The following RNLS variants were observed in gnomAD, a reference collection of about 807,000 sequenced individuals.
The protein encoded by RNLS is renalase.
In RNLS, 39 loss-of-function variants were observed where a neutral mutation model predicts 39.8. The ratio of observed to expected loss-of-function variants is 0.98; its 90% CI spans 0.76 to 1.28. The LOEUF (loss-of-function observed/expected upper bound fraction) is 1.28. Ranked by LOEUF, RNLS falls within the 50% of genes most tolerant of loss-of-function variation. RNLS has a pLI of 0.00. For missense variants in RNLS, 410 were observed against 413.3 expected, an observed-to-expected ratio of 0.99 and a Z score of 0.07; for synonymous variants, 147 against 150.7, an observed-to-expected ratio of 0.98 and a Z score of 0.18.
At chr10:88,481,414 A>AGTGTATT (rs1287617243) in intron 4 of RNLS, among the ~76,000 whole-genome samples, 20 of 151,762 alleles carry the variant, frequency 1.3e-4, no homozygotes, top group African/African-American at 4.6e-4. Context: ...TTTTGTGTTA[A>AGTGTATT]GTGTATTTTT....
rs186156735 is a variant in RNLS, at chr10:88,444,484, G to A, written c.527-81759C>T. Among the ~76,000 whole-genome samples the A allele has an allele frequency of 3.0e-3, 461 of 152,306 alleles. 3 individuals are homozygous for A. The highest frequency in any genetic ancestry group is 7.7e-3 in the East Asian group (40 of 5,188). ...AAGCTGGACAGAGAATGACTTTGAC[G>A]AGTTGAGAGAAGAAGGCTTCAGACG... On this transcript the variant is annotated intron_variant, in intron 4 of 6. Coordinates refer to ENST00000331772, the MANE Select transcript of RNLS (RefSeq NM_001031709.3).
intron 4 of RNLS, among the ~76,000 whole-genome samples, chr10:88,543,976 C>T (rs1848170471): frequency 6.6e-6 from 1 of 152,132 alleles, no homozygotes; most frequent in South Asian, 2.1e-4. Flanking sequence ...ATCCAAGGCA[C>T]AGCAGTTTAG....
rs139869632 is a variant in RNLS, at chr10:88,471,592, T to G, written c.526+101311A>C. 1.4e-3 allele frequency among the ~76,000 whole-genome samples: 219 copies of G among 152,274 alleles called. 1 individual carries two copies. Among genetic ancestry groups the G allele is most frequent in the Middle Eastern group, 3.4e-3 (1 of 294 alleles). On this transcript the variant is annotated intron_variant, in intron 4 of 6. Transcript: ENST00000331772. ...GGTGTCACGAGTTCCCAAGGCCACT[T>G]TCAGGCTTGATGATTCATGAGAAGA...
At chr10:88,293,256 T>A (rs1393275775) in intron 6 of RNLS, among the ~76,000 whole-genome samples, 1 of 152,206 alleles carries the variant, frequency 6.6e-6, no homozygotes, top group Non-Finnish European at 1.5e-5. Context: ...ATACTGGCAA[T>A]AATAAATAGC....
At chr10:88,569,959 T>C (rs1849729151) in intron 4 of RNLS, among the ~76,000 whole-genome samples, 1 of 152,184 alleles carries the variant, frequency 6.6e-6, no homozygotes, top group African/African-American at 2.4e-5. Flanking sequence ...TTTAAAATTT[T>C]ACCACAAAGA....
intron 4 of RNLS, among the ~76,000 whole-genome samples, chr10:88,486,286 A>G (rs914884873): frequency 6.6e-6 from 1 of 152,204 alleles, no homozygotes; most frequent in African/African-American, 2.4e-5. Context: ...AACATAGGCA[A>G]TACTATCCTG....
chr10:88,399,586 A>G (rs1852789826), intron 4 of RNLS, among the ~76,000 whole-genome samples: 1 of 152,028 alleles, frequency 6.6e-6, no homozygotes. Flanking sequence ...AAATGCATAG[A>G]AACAGGAAGT....
chr10:88,460,737 G>A (rs754205505), intron 4 of RNLS, among the ~76,000 whole-genome samples: 7 of 152,134 alleles, frequency 4.6e-5, no homozygotes, highest in Non-Finnish European at 1.0e-4. Flanking sequence ...ATAAATGAAA[G>A]TTCCCTTCTA....
chr10:88,377,875 A>G (rs1749897411), intron 4 of RNLS, among the ~76,000 whole-genome samples: 1 of 152,076 alleles, frequency 6.6e-6, no homozygotes, highest in Non-Finnish European at 1.5e-5. Context: ...TTTTTTTTAA[A>G]CTTTCTCTTT....
In RNLS at chr10:88,501,039, A is replaced by G. The variant is rs192805654; in HGVS notation, c.526+71864T>C. ...TATCTCTGTGTGTGTGTGTGTGTGT[A>G]TATATGTACACTAAACACCATACCT... On this transcript the variant is annotated intron_variant, in intron 4 of 6. Transcript: ENST00000331772. Among the ~76,000 whole-genome samples the G allele has an allele frequency of 2.3e-3, 310 of 136,258 alleles. 1 individual carries two copies. Among genetic ancestry groups the G allele is most frequent in the East Asian group, 3.4e-3 (15 of 4,442 alleles). 89.4% of individuals were successfully genotyped at this position (136,258 alleles called of 152,430 possible). A position where few individuals can be genotyped will look rare whatever the true frequency, so the allele number is the denominator to read the frequency against.
chr10:88,515,128 T>C (rs911497612), intron 4 of RNLS, among the ~76,000 whole-genome samples: 2 of 152,080 alleles, frequency 1.3e-5, no homozygotes, highest in Non-Finnish European at 1.5e-5. Flanking sequence ...TTCACACTGA[T>C]TCATAGAACT....
chr10:88,214,975 ATCCT>A, the RNLS span, among the ~76,000 whole-genome samples: 1 of 152,148 alleles, frequency 6.6e-6, no homozygotes, highest in Non-Finnish European at 1.5e-5. Flanking sequence ...CAACCAAAAC[ATCCT>A]TCTTTCTTCT....
the RNLS span, among the ~76,000 whole-genome samples, chr10:88,210,358 A>C: frequency 6.6e-6 from 1 of 152,202 alleles, no homozygotes; most frequent in African/African-American, 2.4e-5. Context: ...TGAGTTGTGC[A>C]ATTTTCCACT....
chr10:88,242,307 A>G, the RNLS span, among the ~76,000 whole-genome samples: 1 of 152,148 alleles, frequency 6.6e-6, no homozygotes, highest in Admixed American at 6.5e-5. Context: ...TTTTAGGCCA[A>G]TATTTTCTTC....
intron 4 of RNLS, among the ~76,000 whole-genome samples, chr10:88,378,651 A>G (rs1181081862): frequency 2.0e-5 from 3 of 152,102 alleles, no homozygotes; most frequent in East Asian, 1.9e-4. Flanking sequence ...GAATCTAAAC[A>G]GACAGGCCTT....
At chr10:88,461,228 G>T (rs1323238945) in intron 4 of RNLS, among the ~76,000 whole-genome samples, 1 of 152,050 alleles carries the variant, frequency 6.6e-6, no homozygotes, top group Non-Finnish European at 1.5e-5. Flanking sequence ...TCTATCCAGG[G>T]CTCAAGCAGA....
chr10:88,331,947 G>A (rs1374926374), intron 5 of RNLS, among the ~76,000 whole-genome samples: 1 of 152,172 alleles, frequency 6.6e-6, no homozygotes, highest in East Asian at 1.9e-4. Context: ...GGGAAAGGGA[G>A]GCTGAGAGAG....
chr10:88,411,744 T>C (rs1853668818), intron 4 of RNLS, among the ~76,000 whole-genome samples: 1 of 152,130 alleles, frequency 6.6e-6, no homozygotes. Flanking sequence ...TAGATAATAC[T>C]GAACCACTTC....
the RNLS span, among the ~76,000 whole-genome samples, chr10:88,241,582 C>T: frequency 6.9e-4 from 105 of 152,168 alleles, no homozygotes; most frequent in African/African-American, 2.3e-3. Flanking sequence ...TTTGAAACAA[C>T]CAGCTTTTCA....
Sources: allele counts gnomAD v4.1 joint callset (sites outside exome capture counted in the v4.1 genomes callset), GRCh38; gene constraint gnomAD v4.1.1; transcripts MANE v1.5; gene names NCBI Gene and HGNC (gene_info 2026-07-23, HGNC 2026-07-21).